Variants in COL26A1 observed in about 807,000 individuals in gnomAD.
COL26A1 encodes collagen alpha-1(XXVI) chain.
COL26A1 carries 41 observed loss-of-function variants against 59.3 expected under a neutral mutation model. The ratio of observed to expected loss-of-function variants is 0.69; its 90% CI spans 0.54 to 0.90. The LOEUF (loss-of-function observed/expected upper bound fraction) is 0.90. Among genes scored for constraint, COL26A1 ranks in the 40% least tolerant of loss-of-function variants. COL26A1 has a pLI of 0.00. For synonymous variants in COL26A1, 266 were observed against 256.0 expected (o/e 1.04, Z -0.37); for missense variants, 612 against 602.3 (o/e 1.02, Z -0.17).
At chr7:101,390,262 T>G (rs1241219967) in intron 1 of COL26A1, among the ~76,000 whole-genome samples, 1 of 148,018 alleles carries the variant, frequency 6.8e-6, no homozygotes, top group Non-Finnish European at 1.5e-5. Flanking sequence ...TTCAAGCGAT[T>G]CTCCTGCCTC....
At chr7:101,430,304 G>A (rs115985663) in intron 2 of COL26A1, among the ~76,000 whole-genome samples, 2,675 of 151,004 alleles carry the variant, frequency 0.018, 75 homozygotes, top group African/African-American at 0.062. Context: ...TCTTTCTTTC[G>A]ACGGAGTCTC....
At chr7:101,480,200 C>T (rs923983218) in intron 3 of COL26A1, among the ~76,000 whole-genome samples, 17 of 152,230 alleles carry the variant, frequency 1.1e-4, no homozygotes, top group African/African-American at 4.1e-4. Context: ...CTAAACTGCT[C>T]ATAATTTCTA....
chr7:101,408,960 G>A (rs956847786), intron 1 of COL26A1, among the ~76,000 whole-genome samples: 3 of 152,228 alleles, frequency 2.0e-5, no homozygotes, highest in East Asian at 1.9e-4. Flanking sequence ...GACCCAGATC[G>A]TCTGGCTGTT....
intron 1 of COL26A1, among the ~76,000 whole-genome samples, chr7:101,409,291 G>T (rs1330755766): frequency 6.6e-6 from 1 of 152,156 alleles, no homozygotes; most frequent in Non-Finnish European, 1.5e-5. Flanking sequence ...CCTATGAGGG[G>T]ATATTTTATT....
At chr7:101,519,551 GC>G (rs1269235606) in intron 3 of COL26A1, among the ~76,000 whole-genome samples, 1 of 152,198 alleles carries the variant, frequency 6.6e-6, no homozygotes, top group African/African-American at 2.4e-5. Context: ...CAGGCTTCCT[GC>G]TCTATGCATG....
chr7:101,480,236 C>A (rs1794127146), intron 3 of COL26A1, among the ~76,000 whole-genome samples: 1 of 152,134 alleles, frequency 6.6e-6, no homozygotes. Flanking sequence ...GGGCAATATT[C>A]TCAGATCTAG....
intron 1 of COL26A1, among the ~76,000 whole-genome samples, chr7:101,388,545 G>A (rs1019269858): frequency 1.3e-5 from 2 of 151,056 alleles, no homozygotes; most frequent in Non-Finnish European, 2.9e-5. Flanking sequence ...TCCTCCCCTG[G>A]CCCCTGGCAA....
intron 1 of COL26A1, among the ~76,000 whole-genome samples, chr7:101,405,840 CCCCGCCAGCCCTT>C (rs1367588315): frequency 2.6e-5 from 4 of 152,216 alleles, no homozygotes; most frequent in Non-Finnish European, 5.9e-5. Flanking sequence ...CCATCAGTGG[CCCCGCCAGCCCTT>C]CCCGCCAGTG....
At chr7:101,422,390 A>G (rs148282040) in intron 2 of COL26A1, among the ~76,000 whole-genome samples, 2,524 of 151,442 alleles carry the variant, frequency 0.017, 38 homozygotes, top group Non-Finnish European at 0.028. Context: ...AAAAAAAAAA[A>G]AAAAGCTTTT....
intron 1 of COL26A1, among the ~76,000 whole-genome samples, chr7:101,382,651 A>T (rs1211349824): frequency 1.3e-5 from 2 of 152,234 alleles, no homozygotes; most frequent in East Asian, 3.9e-4. Flanking sequence ...GTTCTTATAC[A>T]TCTTTTTATT....
intron 2 of COL26A1, among the ~76,000 whole-genome samples, chr7:101,430,307 G>A (rs187075229): frequency 1.9e-3 from 286 of 151,472 alleles, no homozygotes; most frequent in Non-Finnish European, 3.3e-3. Context: ...TTCTTTCGAC[G>A]GAGTCTCACT....
rs1338514885 is a variant in COL26A1, at chr7:101,385,175, CT to C, written c.158+21988del. ...CACCCAGAAACAACTAGAAACAATA[CT>C]TTGCATTCTTCAATCCAATCAATTT... On this transcript the variant is annotated intron_variant, in intron 1 of 12. Coordinates refer to ENST00000313669, the MANE Select transcript of COL26A1 (RefSeq NM_001278563.3). Among the ~76,000 whole-genome samples, 3 of 101,386 alleles carry C rather than the reference CT, an allele frequency of 3.0e-5. No individual in the cohort carries two copies. In the East Asian group the frequency reaches 6.7e-4, roughly 23 times the overall value. 66.5% of individuals were successfully genotyped at this position (101,386 alleles called of 152,430 possible). A position where few individuals can be genotyped will look rare whatever the true frequency, so the allele number is the denominator to read the frequency against.
intron 2 of COL26A1, among the ~76,000 whole-genome samples, chr7:101,425,836 T>G (rs1487588092): frequency 7.0e-6 from 1 of 142,256 alleles, no homozygotes; most frequent in Non-Finnish European, 1.5e-5. Flanking sequence ...ATTTTTTTTT[T>G]TTTTTTTGGA....
At chr7:101,474,633 C>T (rs938498517) in intron 3 of COL26A1, among the ~76,000 whole-genome samples, 1 of 152,074 alleles carries the variant, frequency 6.6e-6, no homozygotes, top group Admixed American at 6.6e-5. Context: ...CAGGGTTGCA[C>T]TGTGTCTGGG....
intron 1 of COL26A1, among the ~76,000 whole-genome samples, chr7:101,386,573 C>T (rs1183929683): frequency 2.6e-5 from 4 of 152,002 alleles, no homozygotes; most frequent in Non-Finnish European, 5.9e-5. Flanking sequence ...GAGCCCTGTC[C>T]CAGAAGGTTA....
chr7:101,546,552 A>T (rs1795740776), intron 7 of COL26A1, among the ~76,000 whole-genome samples: 1 of 152,128 alleles, frequency 6.6e-6, no homozygotes, highest in South Asian at 2.1e-4. Context: ...CTGGGAGTAC[A>T]GGTGTGAGCC....
At chr7:101,535,938 C>T (rs1045549466) in intron 4 of COL26A1, among the ~76,000 whole-genome samples, 1 of 152,142 alleles carries the variant, frequency 6.6e-6, no homozygotes, top group Non-Finnish European at 1.5e-5. Context: ...GGCTGGGAGA[C>T]TCCTATCTTA....
At chr7:101,533,534 T>A (rs895190348) in intron 4 of COL26A1, among the ~76,000 whole-genome samples, 3 of 152,172 alleles carry the variant, frequency 2.0e-5, no homozygotes, top group Admixed American at 2.0e-4. Flanking sequence ...GAGGAGGAAC[T>A]GCTGGGAAGT....
rs749719561 is a variant in COL26A1 at position 101,544,000 on chromosome 7, C to T, written c.607C>T (p.Pro203Ser). ...GCCCTGTCTCCTTCTCTCCCCAGGGCCCCCGGGGCAGACAGGACCACCAGG... is the reference window on the plus strand; with the variant it reads ...GCCCTGTCTCCTTCTCTCCCCAGGGTCCCCGGGGCAGACAGGACCACCAGG... ...RQRRPTGPAG[P>S]PGQTGPPGPA... The change falls in exon 6 of 13, where the codon CCC becomes TCC. Residue 203 changes from proline to serine, a missense_variant and splice_region_variant. Pro to Ser is a moderately conservative substitution (Grantham distance 74). Transcript: ENST00000313669. The T allele has an allele frequency of 3.8e-6, 6 of 1,559,966 alleles. No homozygotes were observed. The highest frequency in any genetic ancestry group is 2.4e-5 in the East Asian group (1 of 42,088).
Sources: gnomAD v4.1 joint callset for allele counts (sites outside exome capture counted in the v4.1 genomes callset) on GRCh38, gnomAD v4.1.1 for gene constraint, MANE v1.5 for transcripts, NCBI Gene and HGNC (gene_info 2026-07-23, HGNC 2026-07-21) for gene names.